NTN4: variants seen among roughly 807,000 people sequenced by gnomAD.
NTN4 encodes the protein netrin-4.
In NTN4, 32 loss-of-function variants were observed where a neutral mutation model predicts 73.6. The ratio of observed to expected loss-of-function variants is 0.44; its 90% CI spans 0.33 to 0.58. The LOEUF (loss-of-function observed/expected upper bound fraction) is 0.58, where lower values mean the gene tolerates loss of function less well. Ranked by LOEUF, NTN4 falls within the 20% of genes least tolerant of loss-of-function variation. The pLI is 0.04. For synonymous variants in NTN4, 258 were observed against 287.5 expected (o/e 0.90, Z 1.04); for missense variants, 654 against 798.3 (o/e 0.82, Z 2.18).
intron 2 of NTN4, chr12:95,739,817 CT>C (rs2078809979): frequency 6.6e-6 from 1 of 152,226 alleles, no homozygotes; most frequent in African/African-American, 2.4e-5. Flanking sequence ...ACTGTTTGGT[CT>C]CTCTCTGTCT....
At position 95,738,116 on chromosome 12, in the gene NTN4, T is replaced by C; in HGVS notation, c.614A>G (p.Tyr205Cys). The change falls in exon 3 of 10, where the codon TAC becomes TGC. Residue 205 changes from tyrosine to cysteine, a missense_variant. Physicochemically the swap from Tyr to Cys is radical, Grantham distance 194. Transcript: ENST00000343702. ...EVIFKALSPPYDTENPYSAKV... is the reference protein window; with the variant it reads ...EVIFKALSPPCDTENPYSAKV... ...GGCACTGTAAGGGTTCTCTGTATCGTATGGTGGTGACAAAGCTTTGAAAAT... is the reference window on the plus strand; with the variant it reads ...GGCACTGTAAGGGTTCTCTGTATCGCATGGTGGTGACAAAGCTTTGAAAAT... 2 of 1,613,896 alleles carry C rather than the reference T, an allele frequency of 1.2e-6. No individual in the cohort carries two copies. Among genetic ancestry groups the C allele is most frequent in the Non-Finnish European group, 1.7e-6 (2 of 1,179,842 alleles).
intron 5 of NTN4, among the ~76,000 whole-genome samples, chr12:95,693,596 T>C (rs1411104799): frequency 6.6e-6 from 1 of 151,390 alleles, no homozygotes; most frequent in African/African-American, 2.4e-5. Flanking sequence ...CTGGGTATGG[T>C]GGTGCATCCC....
intron 5 of NTN4, among the ~76,000 whole-genome samples, chr12:95,710,220 T>C (rs1324827330): frequency 6.6e-6 from 1 of 152,224 alleles, no homozygotes; most frequent in Non-Finnish European, 1.5e-5. Context: ...TTTTACTTTA[T>C]GGAGAATGAG....
chr12:95,787,794 C>G (rs2079180859), intron 1 of NTN4, among the ~76,000 whole-genome samples: 1 of 152,090 alleles, frequency 6.6e-6, no homozygotes, highest in Non-Finnish European at 1.5e-5. Flanking sequence ...AGATTATTGG[C>G]CTAAAACTTT....
chr12:95,696,923 A>G (rs1243183698), intron 5 of NTN4, among the ~76,000 whole-genome samples: 1 of 152,094 alleles, frequency 6.6e-6, no homozygotes, highest in African/African-American at 2.4e-5. Flanking sequence ...TAACCTCAGT[A>G]CTTTGGGAGG....
chr12:95,694,316 C>CGCGGCGGCCACTCCCT (rs1375975214), intron 5 of NTN4, among the ~76,000 whole-genome samples: 3,533 of 152,130 alleles, frequency 0.023, 83 homozygotes, highest in East Asian at 0.08. Flanking sequence ...TCACCAAGAC[C>CGCGGCGGCCACTCCCT]CCGGCGGCCA....
Position 95,790,606 on chromosome 12 carries a change from C to CG in NTN4, c.-298dup, listed in dbSNP as rs1471418213. On this transcript the variant is annotated 5_prime_UTR_variant, in exon 1 of 10. Transcript: ENST00000343702. The surrounding 1 kb of genome is among the most constrained non-coding windows in gnomAD (Gnocchi z 6.5). ...TGCGCTGCCCCGCGGAGCGGCCCTG[C>CG]GGGCTCGTCTGCCGCTAGCCCGGGG... is the stretch of plus-strand genomic sequence containing the variant. 4.3e-6 allele frequency: 1 copy of CG among 233,024 alleles called. No individual in the cohort carries two copies. The highest frequency in any genetic ancestry group is 8.3e-6 in the Non-Finnish European group (1 of 121,050). The allele number at this position is 233,024 out of a possible 1,614,324, so 14.4% of individuals were successfully genotyped here. A position where few individuals can be genotyped will look rare whatever the true frequency, so the allele number is the denominator to read the frequency against.
intron 7 of NTN4, among the ~76,000 whole-genome samples, chr12:95,680,547 C>T (rs11108193): frequency 0.32 from 48,994 of 152,046 alleles, 7,803 homozygotes; most frequent in Middle Eastern, 0.41. Flanking sequence ...AGAACATTTA[C>T]GGCAGTGTTA....
chr12:95,674,182 T>C (rs979329102), intron 7 of NTN4, among the ~76,000 whole-genome samples: 1 of 151,270 alleles, frequency 6.6e-6, no homozygotes, highest in African/African-American at 2.4e-5. Flanking sequence ...AGAAAAGAAA[T>C]TGTAGTAACC....
chr12:95,742,863 T>G (rs2078836462), intron 2 of NTN4, among the ~76,000 whole-genome samples: 1 of 152,212 alleles, frequency 6.6e-6, no homozygotes, highest in Non-Finnish European at 1.5e-5. Flanking sequence ...CAACTATTTC[T>G]CCAAGTATCA....
intron 3 of NTN4, among the ~76,000 whole-genome samples, chr12:95,731,172 G>A (rs1313734348): frequency 6.6e-6 from 1 of 152,214 alleles, no homozygotes; most frequent in East Asian, 1.9e-4. Flanking sequence ...TTGAAATGTA[G>A]AGGACTTGGA....
chr12:95,690,199 G>A (rs2078391934), intron 5 of NTN4, among the ~76,000 whole-genome samples: 1 of 152,212 alleles, frequency 6.6e-6, no homozygotes, highest in Non-Finnish European at 1.5e-5. Context: ...CAGCATAGGA[G>A]ACACTGTTTG....
intron 3 of NTN4, among the ~76,000 whole-genome samples, chr12:95,733,786 G>A (rs1028987676): frequency 3.3e-5 from 5 of 152,026 alleles, no homozygotes; most frequent in Admixed American, 6.6e-5. Context: ...GACACAGGAG[G>A]GGGCCGGGCA....
intron 2 of NTN4, among the ~76,000 whole-genome samples, chr12:95,780,945 T>C (rs1170939447): frequency 6.6e-6 from 1 of 152,200 alleles, no homozygotes; most frequent in African/African-American, 2.4e-5. Flanking sequence ...GTGGCACATA[T>C]ACACCATGGA....
At position 95,755,206 on chromosome 12, in the gene NTN4, T is replaced by C. The variant is rs117792575; in HGVS notation, c.586-17062A>G. Reference sequence around the variant, plus strand: ...CTTCAATTGACTCGTGAAACCAATTTCTGGCATCGCCTAAGTTGACATTTT... The same window carrying C: ...CTTCAATTGACTCGTGAAACCAATTCCTGGCATCGCCTAAGTTGACATTTT... On this transcript the variant is annotated intron_variant, in intron 2 of 9. Coordinates refer to ENST00000343702, the MANE Select transcript of NTN4 (RefSeq NM_021229.4). Among the ~76,000 whole-genome samples, 601 of 152,360 alleles carry C rather than the reference T, an allele frequency of 3.9e-3. 3 individuals carry two copies. The highest frequency in any genetic ancestry group is 6.1e-3 in the Non-Finnish European group (415 of 68,030).
intron 2 of NTN4, among the ~76,000 whole-genome samples, chr12:95,748,747 A>G (rs995442648): frequency 1.3e-5 from 2 of 152,190 alleles, no homozygotes; most frequent in African/African-American, 4.8e-5. Context: ...CTGGGATTAC[A>G]GCTGTAAGCC....
At position 95,772,175 on chromosome 12, in the gene NTN4, G is replaced by T. The variant is rs539339387; in HGVS notation, c.585+14764C>A. Among the ~76,000 whole-genome samples, 3 of 152,162 alleles carry T rather than the reference G, an allele frequency of 2.0e-5. No homozygotes were observed. The South Asian group carries it at 6.2e-4, about 32-fold the overall frequency. On this transcript the variant is annotated intron_variant, in intron 2 of 9. Coordinates refer to ENST00000343702, the MANE Select transcript of NTN4 (RefSeq NM_021229.4). ...CCACCTCAGCCTCACAAGTAGCTGG[G>T]ACTACAGGTGTGTGCCACCACATCT...
chr12:95,683,761 G>T, intron 5 of NTN4, 50 bp from the exon 6 acceptor site: 1 of 1,452,742 alleles, frequency 6.9e-7, no homozygotes. Flanking sequence ...TAGATCACCC[G>T]TGTGAACATT....
intron 5 of NTN4, among the ~76,000 whole-genome samples, chr12:95,695,616 C>T (rs1033428585): frequency 2.0e-5 from 3 of 152,136 alleles, no homozygotes; most frequent in African/African-American, 4.8e-5. Flanking sequence ...CTGCCCGCCT[C>T]GGCCTCCCAA....
Sources: gnomAD v4.1 joint callset for allele counts (sites outside exome capture counted in the v4.1 genomes callset) on GRCh38, gnomAD v4.1.1 for gene constraint, Gnocchi (gnomAD v3.1) non-coding constraint, MANE v1.5 for transcripts, NCBI Gene and HGNC (gene_info 2026-07-23, HGNC 2026-07-21) for gene names.